Variants in SLC22A11 observed in about 807,000 individuals in gnomAD.
SLC22A11 encodes organic anion transporter 4.
In SLC22A11, 42 loss-of-function variants were observed where a neutral mutation model predicts 49.4. The ratio of observed to expected loss-of-function variants is 0.85; its 90% CI spans 0.66 to 1.10. The LOEUF (loss-of-function observed/expected upper bound fraction) is 1.10. Among genes scored for constraint, SLC22A11 ranks in the 50% least tolerant of loss-of-function variants. The pLI is 0.00. For missense variants in SLC22A11, 685 were observed against 731.6 expected (o/e 0.94, Z 0.74); for synonymous variants, 304 against 315.8 (o/e 0.96, Z 0.40).
chr11:64,564,477 G>A lies in SLC22A11; in HGVS notation c.942+49G>A, dbSNP rs775553275. On this transcript the variant is annotated intron_variant, in intron 5 of 9. Coordinates refer to ENST00000301891, the MANE Select transcript of SLC22A11 (RefSeq NM_018484.4). The surrounding 1 kb of genome is among the most constrained non-coding windows in gnomAD (Gnocchi z 4.2). ...CTTGACCTGGGACAGGACGTGCACT[G>A]AGGGATCATCCGTGTGGCCTCCAAC... The A allele has an allele frequency of 6.2e-7, 1 of 1,602,786 alleles. No homozygotes were observed. Among genetic ancestry groups the A allele is most frequent in the Non-Finnish European group, 8.5e-7 (1 of 1,172,954 alleles).
intron 2 of SLC22A11, among the ~76,000 whole-genome samples, chr11:64,561,060 C>A (rs982739042): frequency 6.6e-6 from 1 of 152,212 alleles, no homozygotes; most frequent in Non-Finnish European, 1.5e-5. Context: ...ACAGGTGCGG[C>A]CAAGGTCTGC....
At position 64,556,112 on chromosome 11, in the gene SLC22A11, A is replaced by G. The variant is rs902585656; in HGVS notation, c.113A>G (p.Glu38Gly). Reference sequence around the variant, plus strand: ...ATGATACCTTCCCAGATGCTCCTGGAGAACTTCTCAGCCGCCATCCCAGGC... The same window carrying G: ...ATGATACCTTCCCAGATGCTCCTGGGGAACTTCTCAGCCGCCATCCCAGGC... ...CLMIPSQMLL[E>G]NFSAAIPGHR... Residue 38 changes from glutamate to glycine, a missense_variant, in exon 1 of 10, where the codon GAG becomes GGG. Coordinates refer to ENST00000301891, the MANE Select transcript of SLC22A11 (RefSeq NM_018484.4). 6.2e-7 allele frequency: 1 copy of G among 1,614,028 alleles called. No individual in the cohort carries two copies. The highest frequency in any genetic ancestry group is 1.3e-5 in the African/African-American group (1 of 74,920).
chr11:64,558,562 G>A (rs79805232), intron 1 of SLC22A11, among the ~76,000 whole-genome samples: 3,374 of 152,322 alleles, frequency 0.022, 126 homozygotes, highest in African/African-American at 0.076. Flanking sequence ...CACCCTCACC[G>A]CTGATGACAG....
Position 64,568,749 on chromosome 11 carries a change from C to G in SLC22A11, c.1353C>G (p.Tyr451Ter). The G allele has an allele frequency of 6.2e-7, 1 of 1,614,140 alleles. No homozygotes were observed. The highest frequency in any genetic ancestry group is 1.1e-5 in the South Asian group (1 of 91,082). The stretch of plus-strand genomic sequence containing the variant: ...TAAGCCTAACCTGCCTCACCATCTA[C>G]AAGGCTGAACTCTTTCCAACGCCAG... The part of the protein sequence containing the change: ...FGISLTCLTI[Y>*]KAELFPTPVR... The change falls in exon 8 of 10, where the codon TAC becomes TAG. Residue 451 changes from tyrosine (Y) to a stop codon, truncating the protein, a stop_gained. Transcript: ENST00000301891. LOFTEE classifies it high-confidence loss of function.
In SLC22A11 at chr11:64,571,230, C is replaced by A; in HGVS notation, c.*188C>A. On this transcript the variant is annotated 3_prime_UTR_variant, in exon 10 of 10. Transcript: ENST00000301891. ...AAGGCAGCTTCCACAGCTCACTCCT[C>A]TTCTCCCTGCCCTGATCAGATTCCC... 1.6e-6 allele frequency: 1 copy of A among 620,710 alleles called. No homozygotes were observed. Among genetic ancestry groups the A allele is most frequent in the Non-Finnish European group, 2.8e-6 (1 of 351,862 alleles). 38.5% of individuals were successfully genotyped at this position (620,710 alleles called of 1,614,324 possible).
At position 64,564,501 on chromosome 11, in the gene SLC22A11, ACAGCACCACCCACTC is replaced by A. The variant is rs2038596336; in HGVS notation, c.942+84_942+98del. On this transcript the variant is annotated intron_variant, in intron 5 of 9. Transcript: ENST00000301891. This position sits in a 1 kb window ranked among gnomAD's most constrained non-coding sequence, Gnocchi z 4.2. ...TGAGGGATCATCCGTGTGGCCTCCA[ACAGCACCACCCACTC>A]CAGCACCACCTCCACCAGCACCACC... The A allele has an allele frequency of 1.9e-6, 3 of 1,569,568 alleles. No homozygotes were observed. Among genetic ancestry groups the A allele is most frequent in the East Asian group, 2.3e-5 (1 of 44,306 alleles).
At chr11:64,559,319 A>C in intron 2 of SLC22A11, 81 bp downstream of exon 2, 1 of 1,134,902 alleles carries the variant, frequency 8.8e-7, no homozygotes, top group Non-Finnish European at 1.2e-6. Flanking sequence ...CAGAAATGTC[A>C]GGCAAACACC....
In SLC22A11 at chr11:64,570,996, AG is replaced by A; in HGVS notation, c.1610del (p.Gly537AlafsTer24). On this transcript the variant is annotated frameshift_variant, in exon 10 of 10. Coordinates refer to ENST00000301891, the MANE Select transcript of SLC22A11 (RefSeq NM_018484.4). LOFTEE classifies it high-confidence loss of function. The part of the protein sequence containing the change: ...DLESQKSTAA[Q>X]GNRQEAVTVE... ...TATTCTAGGAAATCAACAGCAGCCC[AG>A]GGCAACCGGCAAGAGGCCGTCACTG... 6.2e-7 allele frequency: 1 copy of A among 1,614,254 alleles called. No individual in the cohort carries two copies.
chr11:64,565,251 G>A lies in SLC22A11; in HGVS notation c.972G>A (p.Val324=). ...TGATGTCCAGCGTGAAGGAGGAGGT[G>A]GCCTCTGCAAAGGAGCCGCGGTCGG... ...EVLMSSVKEE[V]ASAKEPRSVL... is the part of the protein sequence containing the mutation. Residue 324 remains valine, a synonymous_variant, in exon 6 of 10, where the codon GTG becomes GTA. Transcript: ENST00000301891. This position sits in a 1 kb window ranked among gnomAD's most constrained non-coding sequence, Gnocchi z 4.1. 1 of 1,547,228 alleles carries A rather than the reference G, an allele frequency of 6.5e-7. No individual in the cohort carries two copies. Among genetic ancestry groups the A allele is most frequent in the African/African-American group, 1.4e-5 (1 of 73,136 alleles).
At position 64,571,385 on chromosome 11, in the gene SLC22A11, G is replaced by T; in HGVS notation, c.*343G>T. The T allele has an allele frequency of 3.5e-6, 1 of 285,032 alleles. No individual in the cohort carries two copies. The highest frequency in any genetic ancestry group is 6.7e-6 in the Non-Finnish European group (1 of 148,828). 17.7% of individuals were successfully genotyped at this position (285,032 alleles called of 1,614,324 possible). Reference sequence around the variant, plus strand: ...ACTCAGCCACGCCAACCAGAGACTGGGTTCCAATCTCACCCCACCACATAC... The same window carrying T: ...ACTCAGCCACGCCAACCAGAGACTGTGTTCCAATCTCACCCCACCACATAC... On this transcript the variant is annotated 3_prime_UTR_variant, in exon 10 of 10. Transcript: ENST00000301891.
chr11:64,560,009 C>T (rs142563457), intron 2 of SLC22A11, among the ~76,000 whole-genome samples: 8 of 151,636 alleles, frequency 5.3e-5, no homozygotes, highest in Admixed American at 2.0e-4. Context: ...CCCCTCCTCC[C>T]GCTCCCCCTC....
chr11:64,565,280 T>C lies in SLC22A11; in HGVS notation c.1001T>C (p.Leu334Pro), dbSNP rs1207398781. The change falls in exon 6 of 10, where the codon CTG becomes CCG. Residue 334 changes from leucine (L) to proline (P), a missense_variant. Coordinates refer to ENST00000301891, the MANE Select transcript of SLC22A11 (RefSeq NM_018484.4). The surrounding 1 kb of genome is among the most constrained non-coding windows in gnomAD (Gnocchi z 4.1). Reference protein sequence around the residue: ...VASAKEPRSVLDLFCVPVLRW... With the variant: ...VASAKEPRSVPDLFCVPVLRW... The stretch of plus-strand genomic sequence containing the variant: ...TCTGCAAAGGAGCCGCGGTCGGTGC[T>C]GGACCTGTTCTGCGTGCCCGTGCTC... 2.6e-6 allele frequency: 4 copies of C among 1,551,580 alleles called. No individual in the cohort carries two copies. The highest frequency in any genetic ancestry group is 1.2e-5 in the South Asian group (1 of 84,022).
chr11:64,562,858 C>T lies in SLC22A11; in HGVS notation c.821+423C>T, dbSNP rs2038569691. ...GGCCGCTCTCCCGGTCCCCAAGGCCCCACTGCCGCTGTCCCCTGGGCTGAG... is the reference window on the plus strand; with the variant it reads ...GGCCGCTCTCCCGGTCCCCAAGGCCTCACTGCCGCTGTCCCCTGGGCTGAG... On this transcript the variant is annotated intron_variant, in intron 4 of 9. Coordinates refer to ENST00000301891, the MANE Select transcript of SLC22A11 (RefSeq NM_018484.4). This position sits in a 1 kb window ranked among gnomAD's most constrained non-coding sequence, Gnocchi z 4.4. Among the ~76,000 whole-genome samples, 1 of 152,222 alleles carries T rather than the reference C, an allele frequency of 6.6e-6. No individual in the cohort carries two copies. The highest frequency in any genetic ancestry group is 6.5e-5 in the Admixed American group (1 of 15,292).
chr11:64,571,813 C>A lies in SLC22A11; in HGVS notation c.*771C>A, dbSNP rs1408320029. ...CAGAGCCCACGAAGATGACGCTGCA[C>A]TGAGGCATGGGGCGGGGTGCACTGA... is the stretch of plus-strand genomic sequence containing the variant. On this transcript the variant is annotated 3_prime_UTR_variant, in exon 10 of 10. Transcript: ENST00000301891. 6.6e-6 allele frequency: 1 copy of A among 152,362 alleles called. No homozygotes were observed. Among genetic ancestry groups the A allele is most frequent in the Non-Finnish European group, 1.5e-5 (1 of 68,128 alleles). The allele number at this position is 152,362 out of a possible 1,614,324, so 9.4% of individuals were successfully genotyped here.
rs559802923 is a variant in SLC22A11 at position 64,563,096 on chromosome 11, G to A, written c.821+661G>A. Among the ~76,000 whole-genome samples, 256 of 152,222 alleles carry A rather than the reference G, an allele frequency of 1.7e-3. 2 individuals are homozygous for A. The highest frequency in any genetic ancestry group is 3.0e-3 in the Non-Finnish European group (201 of 68,024). On this transcript the variant is annotated intron_variant, in intron 4 of 9. Coordinates refer to ENST00000301891, the MANE Select transcript of SLC22A11 (RefSeq NM_018484.4). Reference sequence around the variant, plus strand: ...AGGTGCAGAGGGTCTTAGGTGCTGGGGACACACAAGTGAACAAAACAGGCA... The same window carrying A: ...AGGTGCAGAGGGTCTTAGGTGCTGGAGACACACAAGTGAACAAAACAGGCA...
chr11:64,566,246 A>G (rs1398846246), intron 6 of SLC22A11: 1 of 151,544 alleles, frequency 6.6e-6, no homozygotes. Flanking sequence ...ATTCCGTCAA[A>G]GGAAAAAAAA....
chr11:64,556,818 A>G (rs1353630072), intron 1 of SLC22A11, among the ~76,000 whole-genome samples: 1 of 152,030 alleles, frequency 6.6e-6, no homozygotes, highest in Non-Finnish European at 1.5e-5. Flanking sequence ...GAACCTGATC[A>G]ATGTTGAGGC....
chr11:64,559,828 G>A (rs1466664144), intron 2 of SLC22A11, among the ~76,000 whole-genome samples: 1 of 152,184 alleles, frequency 6.6e-6, no homozygotes, highest in Non-Finnish European at 1.5e-5. Flanking sequence ...CACAGGTGAT[G>A]GGCACGCCAG....
Position 64,565,333 on chromosome 11 carries a change from G to A in SLC22A11, c.1054G>A (p.Val352Met). The A allele has an allele frequency of 1.9e-6, 3 of 1,548,848 alleles. No homozygotes were observed. Among genetic ancestry groups the A allele is most frequent in the Non-Finnish European group, 2.6e-6 (3 of 1,146,898 alleles). The stretch of plus-strand genomic sequence containing the variant: ...CTGGAGGAGCTGCGCCATGCTGGTG[G>A]TGAAGTACGCCGTCCTGGTGTCCCT... ...LRWRSCAMLV[V>M]NFSLLISYYG... The change falls in exon 6 of 10, where the codon GTG becomes ATG. Residue 352 changes from valine (V) to methionine (M), a missense_variant. Transcript: ENST00000301891. The surrounding 1 kb of genome is among the most constrained non-coding windows in gnomAD (Gnocchi z 4.1).
Sources: allele counts gnomAD v4.1 joint callset (sites outside exome capture counted in the v4.1 genomes callset), GRCh38; gene constraint gnomAD v4.1.1; non-coding constraint Gnocchi (gnomAD v3.1); transcripts MANE v1.5; gene names NCBI Gene and HGNC (gene_info 2026-07-23, HGNC 2026-07-21).